TM9SF4: variants seen among roughly 807,000 people sequenced by gnomAD.
TM9SF4 encodes transmembrane 9 superfamily member 4.
A neutral mutation model predicts 90.4 loss-of-function variants in TM9SF4; 26 were observed. The observed-to-expected ratio is 0.29, with a 90% confidence interval of 0.21 to 0.40. The LOEUF is 0.40. Among genes scored for constraint, TM9SF4 ranks in the 10% least tolerant of loss-of-function variants. The probability of loss-of-function intolerance (pLI) is 1.00; values close to 1 mark genes in which losing one functional copy is unlikely to be tolerated. For synonymous variants in TM9SF4, 293 were observed against 315.4 expected (o/e 0.93, Z 0.75); for missense variants, 549 against 834.8 (o/e 0.66, Z 4.22).
intron 1 of TM9SF4, among the ~76,000 whole-genome samples, chr20:32,111,293 A>G (rs568072700): frequency 2.0e-5 from 3 of 152,374 alleles, no homozygotes; most frequent in South Asian, 4.1e-4. Context: ...GAACAGAGAT[A>G]GTGTAAGAAC....
At chr20:32,158,714 G>T (rs1244945898) in intron 15 of TM9SF4, among the ~76,000 whole-genome samples, 200 bp downstream of exon 15, 1 of 152,150 alleles carries the variant, frequency 6.6e-6, no homozygotes, top group African/African-American at 2.4e-5. Context: ...TGGGCGCGGT[G>T]GCTCACACCT....
chr20:32,141,958 G>GGGCCACAGAAAAGGTGGGGCTC, intron 5 of TM9SF4, 63 bp downstream of exon 5: 2 of 1,601,412 alleles, frequency 1.2e-6, no homozygotes, highest in Non-Finnish European at 1.7e-6. Flanking sequence ...TGAGCACTTG[G>GGGCCACAGAAAAGGTGGGGCTC]GGCCACAGAA....
chr20:32,116,483 GGTTATTA>G (rs1448337911), intron 1 of TM9SF4: 1 of 152,278 alleles, frequency 6.6e-6, no homozygotes, highest in Non-Finnish European at 1.5e-5. Context: ...TCGTGAGGGT[GGTTATTA>G]GTTTCACCTG....
At chr20:32,159,694 C>T (rs2046984710) in intron 15 of TM9SF4, 1 of 421,666 alleles carries the variant, frequency 2.4e-6, no homozygotes, top group East Asian at 4.3e-5. Context: ...TGGTAAGCTG[C>T]TCAAGTGGTG....
intron 17 of TM9SF4, 72 bp downstream of exon 17, chr20:32,161,437 A>G: frequency 4.2e-6 from 6 of 1,445,580 alleles, no homozygotes; most frequent in Non-Finnish European, 5.8e-6. Flanking sequence ...TGCTGGGAGA[A>G]AAACCCAAGT....
intron 1 of TM9SF4, among the ~76,000 whole-genome samples, chr20:32,128,873 A>G (rs1345090775): frequency 6.6e-6 from 1 of 151,446 alleles, no homozygotes; most frequent in Non-Finnish European, 1.5e-5. Flanking sequence ...CTGAAGGCTT[A>G]GAAAGAAAAG....
chr20:32,123,866 A>ATATATATTTTTTTTTTT lies in TM9SF4; in HGVS notation c.16-9146_16-9145insATATATTTTTTTTTTTT. Among the ~76,000 whole-genome samples the ATATATATTTTTTTTTTT allele has an allele frequency of 1.5e-3, 140 of 93,922 alleles. 1 individual carries two copies. Among genetic ancestry groups the ATATATATTTTTTTTTTT allele is most frequent in the East Asian group, 2.9e-3 (4 of 1,360 alleles). 61.6% of individuals were successfully genotyped at this position (93,922 alleles called of 152,430 possible). On this transcript the variant is annotated intron_variant, in intron 1 of 17. Coordinates refer to ENST00000398022, the MANE Select transcript of TM9SF4 (RefSeq NM_014742.4). ...CTCTCATATATATATATATATATAT[A>ATATATATTTTTTTTTTT]TTTTTTTTTTTAAAGAGATAGGGTC... is the stretch of plus-strand genomic sequence containing the variant.
In TM9SF4 at chr20:32,109,727, C is replaced by G. The variant is rs891672317; in HGVS notation, c.-14C>G. On this transcript the variant is annotated 5_prime_UTR_variant, in exon 1 of 18. Coordinates refer to ENST00000398022, the MANE Select transcript of TM9SF4 (RefSeq NM_014742.4). ...ACTTCCGCTGACGTCATTACGGCGA[C>G]ACGTGGATCCAAGATGGCGACGGCG... 3 of 1,551,504 alleles carry G rather than the reference C, an allele frequency of 1.9e-6. No individual in the cohort carries two copies. Among genetic ancestry groups the G allele is most frequent in the Non-Finnish European group, 2.6e-6 (3 of 1,147,004 alleles).
chr20:32,165,458 C>G lies in TM9SF4; in HGVS notation c.*14C>G, dbSNP rs765377650. 1 of 1,613,352 alleles carries G rather than the reference C, an allele frequency of 6.2e-7. No homozygotes were observed. Among genetic ancestry groups the G allele is most frequent in the Non-Finnish European group, 8.5e-7 (1 of 1,179,482 alleles). On this transcript the variant is annotated 3_prime_UTR_variant, in exon 18 of 18. Transcript: ENST00000398022. ...AAGATAGACTGATTGGAGTGGACCACGGCCAAGCTTGCTCCGTCCTCGGAC... is the reference window on the plus strand; with the variant it reads ...AAGATAGACTGATTGGAGTGGACCAGGGCCAAGCTTGCTCCGTCCTCGGAC...
intron 1 of TM9SF4, among the ~76,000 whole-genome samples, chr20:32,122,105 G>A (rs1311605688): frequency 2.1e-5 from 3 of 143,086 alleles, no homozygotes; most frequent in South Asian, 2.2e-4. Context: ...AGGGGCGGCC[G>A]GGCAGAGGCG....
intron 1 of TM9SF4, among the ~76,000 whole-genome samples, chr20:32,123,145 A>C (rs1388653314): frequency 1.8e-5 from 2 of 109,898 alleles, no homozygotes; most frequent in African/African-American, 6.8e-5. Flanking sequence ...GCTCGGCATG[A>C]GAGGGAGACC....
intron 1 of TM9SF4, among the ~76,000 whole-genome samples, chr20:32,122,369 C>T (rs189126339): frequency 3.1e-4 from 47 of 149,976 alleles, no homozygotes; most frequent in African/African-American, 9.8e-4. Context: ...ACTTCCCAGA[C>T]GGGGTGGCTG....
chr20:32,121,938 C>T (rs1179575611), intron 1 of TM9SF4, among the ~76,000 whole-genome samples: 6 of 147,334 alleles, frequency 4.1e-5, no homozygotes, highest in Non-Finnish European at 6.1e-5. Flanking sequence ...GGCTGACCCC[C>T]CCCAGCTCCC....
intron 1 of TM9SF4, among the ~76,000 whole-genome samples, chr20:32,122,252 G>A (rs1461763107): frequency 1.1e-5 from 1 of 88,386 alleles, no homozygotes; most frequent in Non-Finnish European, 2.6e-5. Context: ...GCCTGGCGGG[G>A]GGCTGACCCC....
chr20:32,162,434 G>C (rs978866125), intron 17 of TM9SF4, among the ~76,000 whole-genome samples: 3 of 152,190 alleles, frequency 2.0e-5, no homozygotes, highest in African/African-American at 7.2e-5. Flanking sequence ...AGCCCGCGTG[G>C]GCCAGCAGGC....
intron 2 of TM9SF4, 83 bp from the exon 3 acceptor site, chr20:32,135,991 G>A (rs549414342): frequency 8.2e-7 from 1 of 1,214,994 alleles, no homozygotes; most frequent in African/African-American, 1.5e-5. Context: ...TTGCCTATTA[G>A]TTAATATTAC....
chr20:32,125,400 G>T (rs940814410), intron 1 of TM9SF4, among the ~76,000 whole-genome samples: 12 of 152,176 alleles, frequency 7.9e-5, no homozygotes, highest in African/African-American at 2.9e-4. Context: ...TGGTAGGTTT[G>T]GGATTTGAAT....
intron 11 of TM9SF4, 31 bp downstream of exon 11, chr20:32,150,734 G>A (rs748390294): frequency 3.5e-5 from 56 of 1,614,050 alleles, no homozygotes; most frequent in Middle Eastern, 1.6e-4. Flanking sequence ...TCCCGGGGGC[G>A]GCACAGGCCT....
At chr20:32,129,312 G>A (rs6061173) in intron 1 of TM9SF4, among the ~76,000 whole-genome samples, 64,130 of 151,750 alleles carry the variant, frequency 0.42, 13,905 homozygotes, top group East Asian at 0.74. Context: ...GGGTAATATA[G>A]GGAGACACTA....
Sources: gnomAD v4.1 joint callset for allele counts (sites outside exome capture counted in the v4.1 genomes callset) on GRCh38, gnomAD v4.1.1 for gene constraint, MANE v1.5 for transcripts, NCBI Gene and HGNC (gene_info 2026-07-23, HGNC 2026-07-21) for gene names.